SHROOM3: variants seen among roughly 807,000 people sequenced by gnomAD.
SHROOM3 encodes protein Shroom3.
Under a neutral mutation model 138.6 loss-of-function variants are expected in SHROOM3, and 47 were observed. The observed-to-expected ratio is 0.34, with a 90% CI of 0.27 to 0.43. The LOEUF (loss-of-function observed/expected upper bound fraction) is 0.43, where lower values mean the gene tolerates loss of function less well. Among genes scored for constraint, SHROOM3 ranks in the 20% least tolerant of loss-of-function variants. The pLI is 1.00. For missense variants in SHROOM3, 2,491 were observed against 2,596.5 expected (o/e 0.96, Z 0.88); for synonymous variants, 1,062 against 1,063.3 (o/e 1.00, Z 0.02).
chr4:76,719,428 T>C (rs1160217375), intron 3 of SHROOM3, among the ~76,000 whole-genome samples: 5 of 152,358 alleles, frequency 3.3e-5, no homozygotes, highest in African/African-American at 7.2e-5. Flanking sequence ...TATTTATTGG[T>C]AATTAGAAGT....
intron 2 of SHROOM3, among the ~76,000 whole-genome samples, chr4:76,669,704 A>C (rs1431909658): frequency 1.3e-5 from 2 of 152,192 alleles, no homozygotes; most frequent in Non-Finnish European, 2.9e-5. Flanking sequence ...TTGTTGTGCA[A>C]ACCAAAACGA....
chr4:76,658,389 T>C (rs1189459423), intron 2 of SHROOM3, among the ~76,000 whole-genome samples: 1 of 152,194 alleles, frequency 6.6e-6, no homozygotes, highest in Non-Finnish European at 1.5e-5. Context: ...TCAGTATCTT[T>C]AAGTAGAAAA....
intron 8 of SHROOM3, among the ~76,000 whole-genome samples, 192 bp from the exon 9 acceptor site, chr4:76,759,353 C>T (rs1463683308): frequency 6.6e-6 from 1 of 152,194 alleles, no homozygotes; most frequent in Admixed American, 6.5e-5. Flanking sequence ...GGTTTTCCAT[C>T]CCAAGTTTGC....
At position 76,451,137 on chromosome 4, in the gene SHROOM3, A is replaced by T. The variant is rs138310798; in HGVS notation, c.168+14917A>T. 6.9e-3 allele frequency among the ~76,000 whole-genome samples: 1,054 copies of T among 152,264 alleles called. 15 individuals are homozygous for T. Among genetic ancestry groups the T allele is most frequent in the African/African-American group, 0.024 (979 of 41,532 alleles). On this transcript the variant is annotated intron_variant, in intron 1 of 10. Coordinates refer to ENST00000296043, the MANE Select transcript of SHROOM3 (RefSeq NM_020859.4). ...GCTAATTTTTGTATTTTTAGTAAAG[A>T]TGGGGCTTCGCCATGTTGGCCAGAC...
intron 2 of SHROOM3, among the ~76,000 whole-genome samples, chr4:76,556,459 C>T (rs1733486639): frequency 6.6e-6 from 1 of 152,210 alleles, no homozygotes; most frequent in Non-Finnish European, 1.5e-5. Context: ...TCACTATCCC[C>T]ATTTTACAGG....
At chr4:76,523,405 G>GTA (rs1732611153) in intron 1 of SHROOM3, among the ~76,000 whole-genome samples, 1 of 152,050 alleles carries the variant, frequency 6.6e-6, no homozygotes, top group South Asian at 2.1e-4. Flanking sequence ...ACCCAGTAAG[G>GTA]TATATAAAGA....
intron 2 of SHROOM3, among the ~76,000 whole-genome samples, chr4:76,704,005 C>T (rs1487386639): frequency 3.3e-5 from 5 of 152,152 alleles, no homozygotes; most frequent in East Asian, 1.9e-4. Context: ...GAAAGCCTGC[C>T]GCTAATGAGA....
intron 2 of SHROOM3, among the ~76,000 whole-genome samples, chr4:76,667,697 G>T (rs968167675): frequency 6.6e-6 from 1 of 151,832 alleles, no homozygotes; most frequent in Non-Finnish European, 1.5e-5. Context: ...GCTTGGGCGC[G>T]GTGGCTCACG....
chr4:76,724,129 A>G (rs1185372752), intron 3 of SHROOM3, among the ~76,000 whole-genome samples: 2 of 152,220 alleles, frequency 1.3e-5, no homozygotes, highest in Non-Finnish European at 2.9e-5. Flanking sequence ...TGCGAATTCC[A>G]GTTTCATCAG....
intron 2 of SHROOM3, among the ~76,000 whole-genome samples, chr4:76,672,237 A>G (rs189947802): frequency 6.6e-4 from 101 of 152,288 alleles, no homozygotes; most frequent in African/African-American, 2.4e-3. Flanking sequence ...ATATGCATAC[A>G]AAGTGCTAAG....
At chr4:76,727,716 T>C (rs560896679) in intron 3 of SHROOM3, among the ~76,000 whole-genome samples, 50 of 151,340 alleles carry the variant, frequency 3.3e-4, no homozygotes, top group African/African-American at 1.0e-3. Flanking sequence ...GGTGAAAGCC[T>C]GTCTCTACTA....
intron 3 of SHROOM3, among the ~76,000 whole-genome samples, chr4:76,725,102 G>T (rs1036810199): frequency 6.6e-6 from 1 of 150,998 alleles, no homozygotes; most frequent in African/African-American, 2.4e-5. Flanking sequence ...TTTTTTCCTC[G>T]TGTTTTTGTT....
chr4:76,603,408 A>G (rs1014427999), intron 2 of SHROOM3, among the ~76,000 whole-genome samples: 1 of 151,732 alleles, frequency 6.6e-6, no homozygotes, highest in African/African-American at 2.4e-5. Context: ...AGAGAATGAG[A>G]CTCTGTCTCA....
intron 1 of SHROOM3, among the ~76,000 whole-genome samples, chr4:76,530,071 G>A (rs2110015154): frequency 6.6e-6 from 1 of 152,282 alleles, no homozygotes; most frequent in Non-Finnish European, 1.5e-5. Flanking sequence ...CTCTTGAAGT[G>A]TTCAGTAATA....
intron 2 of SHROOM3, among the ~76,000 whole-genome samples, chr4:76,578,733 C>T (rs1733986266): frequency 6.6e-6 from 1 of 152,160 alleles, no homozygotes; most frequent in African/African-American, 2.4e-5. Context: ...TTACCCTTTA[C>T]ATAGATTAGT....
chr4:76,638,248 A>G (rs1310529070), intron 2 of SHROOM3, among the ~76,000 whole-genome samples: 3 of 152,240 alleles, frequency 2.0e-5, no homozygotes, highest in Non-Finnish European at 4.4e-5. Flanking sequence ...GCTATTTCCA[A>G]TGCATGGGTT....
intron 2 of SHROOM3, among the ~76,000 whole-genome samples, chr4:76,580,705 C>T (rs947137833): frequency 6.6e-6 from 1 of 152,176 alleles, no homozygotes; most frequent in African/African-American, 2.4e-5. Flanking sequence ...GGATTACAGG[C>T]GTGAGCCACT....
chr4:76,753,713 T>C (rs1322805622), intron 6 of SHROOM3, among the ~76,000 whole-genome samples: 1 of 152,258 alleles, frequency 6.6e-6, no homozygotes, highest in Admixed American at 6.5e-5. Context: ...TGCCAGCCTC[T>C]TTCTCCAGAG....
intron 3 of SHROOM3, among the ~76,000 whole-genome samples, chr4:76,717,360 C>T (rs1190110435): frequency 6.6e-6 from 1 of 152,122 alleles, no homozygotes; most frequent in Non-Finnish European, 1.5e-5. Context: ...TTGGAGCTTC[C>T]TGGATCTGTG....
Sources: allele counts gnomAD v4.1 joint callset (sites outside exome capture counted in the v4.1 genomes callset), GRCh38; gene constraint gnomAD v4.1.1; transcripts MANE v1.5; gene names NCBI Gene and HGNC (gene_info 2026-07-23, HGNC 2026-07-21).